The following FDFT1 variants were observed in gnomAD, a reference collection of about 807,000 sequenced individuals.
FDFT1 encodes squalene synthase.
Under a neutral mutation model 46.8 loss-of-function variants are expected in FDFT1, and 68 were observed. That is an observed-to-expected ratio of 1.45 (90% CI 1.19 to 1.78). FDFT1 has a LOEUF of 1.78. Ranked by LOEUF, FDFT1 falls within the 40% of genes most tolerant of loss-of-function variation. FDFT1 has a pLI of 0.00. For synonymous variants in FDFT1, 351 were observed against 185.1 expected (o/e 1.90, Z -7.28); for missense variants, 928 against 524.4 (o/e 1.77, Z -7.52).
intron 3 of FDFT1, among the ~76,000 whole-genome samples, chr8:11,820,621 C>G (rs1809098812): frequency 6.6e-6 from 1 of 152,208 alleles, no homozygotes; most frequent in African/African-American, 2.4e-5. Flanking sequence ...CCAGCTTGAT[C>G]TCAGACTGCT....
Position 11,803,248 on chromosome 8 carries a change from C to T in FDFT1, c.99+317C>T, listed in dbSNP as rs541344594. 1.9e-5 allele frequency: 26 copies of T among 1,372,060 alleles called. No homozygotes were observed. In the East Asian group the frequency reaches 8.4e-4, roughly 45 times the overall value. 85.0% of individuals were successfully genotyped at this position (1,372,060 alleles called of 1,614,324 possible). A position where few individuals can be genotyped will look rare whatever the true frequency, so the allele number is the denominator to read the frequency against. On this transcript the variant is annotated intron_variant, in intron 1 of 7. Transcript: ENST00000220584. ...CCGGTATTTTAACCCGAGGGTTACA[C>T]ATCTGAGGCAATGTGGGTGGGTTAC...
Position 11,831,680 on chromosome 8 carries a change from T to C in FDFT1, c.1032+10T>C, listed in dbSNP as rs1188697979. Reference sequence around the variant, plus strand: ...TCAGTATATGGAAGAGGTGGGTTTTTATTTAACTACTTGGATAATTTGTAG... The same window carrying C: ...TCAGTATATGGAAGAGGTGGGTTTTCATTTAACTACTTGGATAATTTGTAG... On this transcript the variant is annotated intron_variant, in intron 7 of 7. Coordinates refer to ENST00000220584, the MANE Select transcript of FDFT1 (RefSeq NM_004462.5). 1 of 1,606,410 alleles carries C rather than the reference T, an allele frequency of 6.2e-7. No individual in the cohort carries two copies. Among genetic ancestry groups the C allele is most frequent in the South Asian group, 1.1e-5 (1 of 90,832 alleles).
chr8:11,817,243 T>A (rs1459978382), intron 3 of FDFT1, among the ~76,000 whole-genome samples: 1 of 152,184 alleles, frequency 6.6e-6, no homozygotes, highest in Non-Finnish European at 1.5e-5. Flanking sequence ...TGGATAAGCT[T>A]TTTGATGTGC....
rs1160710440 is a variant in FDFT1, at chr8:11,831,582, A to G, written c.944A>G (p.Lys315Arg). 6.2e-7 allele frequency: 1 copy of G among 1,614,096 alleles called. No homozygotes were observed. The highest frequency in any genetic ancestry group is 8.5e-7 in the Non-Finnish European group (1 of 1,179,912). The part of the protein sequence containing the change: ...NNQQVFKGAV[K>R]IRKGQAVTLM... ...CAGCAGGTGTTCAAAGGGGCAGTGA[A>G]GATTCGGAAAGGGCAAGCAGTGACC... Residue 315 changes from lysine to arginine, a missense_variant, in exon 7 of 8, where the codon AAG (lysine) becomes AGG (arginine). Transcript: ENST00000220584.
At chr8:11,830,468 G>GGT in intron 6 of FDFT1, 48 bp downstream of exon 6, 1 of 1,382,808 alleles carries the variant, frequency 7.2e-7, no homozygotes, top group East Asian at 2.3e-5. Flanking sequence ...AAGGGAGTGG[G>GGT]GTAGGAGTAA....
At chr8:11,809,976 G>A (rs941913073) in intron 3 of FDFT1, 126 bp downstream of exon 3, 32 of 706,302 alleles carry the variant, frequency 4.5e-5, no homozygotes, top group East Asian at 3.4e-4. Context: ...TAATGTGAGG[G>A]TTAAAAACTC....
chr8:11,820,017 C>G (rs568615788), intron 3 of FDFT1, among the ~76,000 whole-genome samples: 2 of 152,268 alleles, frequency 1.3e-5, no homozygotes, highest in East Asian at 1.9e-4. Context: ...TGGTGACGTA[C>G]AGATGGGTTT....
chr8:11,799,944 A>T (rs1339557176), upstream of FDFT1, among the ~76,000 whole-genome samples: 85 of 43,410 alleles, frequency 2.0e-3, 1 homozygote, highest in East Asian at 0.025. Context: ...GACTCCATTT[A>T]AAAAAAAAAA....
chr8:11,807,327 T>A (rs1255176677), intron 1 of FDFT1, among the ~76,000 whole-genome samples: 1 of 31,146 alleles, frequency 3.2e-5, no homozygotes, highest in Non-Finnish European at 8.9e-5. Context: ...TTTAAAAAAT[T>A]TTTTAAAAAC....
chr8:11,823,270 TC>T (rs1809511186), intron 4 of FDFT1, among the ~76,000 whole-genome samples: 1 of 152,216 alleles, frequency 6.6e-6, no homozygotes, highest in Admixed American at 6.5e-5. Flanking sequence ...TTATTTTTTT[TC>T]TTCTACTTTG....
rs565023844 is a variant in FDFT1, at chr8:11,836,149, T to A, written c.1033-2239T>A. Among the ~76,000 whole-genome samples, 20 of 72,956 alleles carry A rather than the reference T, an allele frequency of 2.7e-4. No individual in the cohort carries two copies. In the East Asian group the frequency reaches 5.1e-3, roughly 18 times the overall value. The allele number at this position is 72,956 out of a possible 152,430, so 47.9% of individuals were successfully genotyped here. ...GCCTGGGTGACAGAGCGAGACACCA[T>A]CTTAAAAAAAAAAAAAAATCTACAA... is the stretch of plus-strand genomic sequence containing the variant. On this transcript the variant is annotated intron_variant, in intron 7 of 7. Coordinates refer to ENST00000220584, the MANE Select transcript of FDFT1 (RefSeq NM_004462.5).
upstream of FDFT1, among the ~76,000 whole-genome samples, chr8:11,800,355 C>G (rs1585834254): frequency 6.6e-6 from 1 of 150,904 alleles, no homozygotes; most frequent in Non-Finnish European, 1.5e-5. Context: ...GGTACACTCG[C>G]CAGCAGTTTT....
At chr8:11,809,430 A>G in intron 2 of FDFT1, 2 of 1,253,226 alleles carry the variant, frequency 1.6e-6, no homozygotes, top group Non-Finnish European at 2.0e-6. Flanking sequence ...CACTTCTGGG[A>G]GTAGTGGTGA....
rs1811968486 is a variant in FDFT1 at position 11,839,045 on chromosome 8, T to C, written c.*436T>C. On this transcript the variant is annotated 3_prime_UTR_variant, in exon 8 of 8. Transcript: ENST00000220584. The stretch of plus-strand genomic sequence containing the variant: ...TCCTATTTTTCTCATCATTTTGTTT[T>C]CTTTAATTGGGTTGAATGGAGTAGA... The C allele has an allele frequency of 1.1e-5, 2 of 175,098 alleles. No individual in the cohort carries two copies. The highest frequency in any genetic ancestry group is 4.8e-5 in the African/African-American group (2 of 41,610). 10.8% of individuals were successfully genotyped at this position (175,098 alleles called of 1,614,324 possible).
At chr8:11,817,032 G>C (rs530176813) in intron 3 of FDFT1, among the ~76,000 whole-genome samples, 34 of 152,152 alleles carry the variant, frequency 2.2e-4, no homozygotes, top group Non-Finnish European at 3.7e-4. Context: ...TTATTATTTT[G>C]AGATGCGTTC....
At chr8:11,828,072 T>A (rs954079692) in intron 5 of FDFT1, among the ~76,000 whole-genome samples, 1 of 151,848 alleles carries the variant, frequency 6.6e-6, no homozygotes, top group Non-Finnish European at 1.5e-5. Flanking sequence ...TGTGGTGGCA[T>A]ACGCTGGTAG....
At chr8:11,829,053 C>T (rs577701380) in intron 5 of FDFT1, among the ~76,000 whole-genome samples, 2 of 152,294 alleles carry the variant, frequency 1.3e-5, no homozygotes, top group East Asian at 1.9e-4. Flanking sequence ...TACAGCAGCT[C>T]GAACCTTGTG....
chr8:11,836,600 A>G (rs1811566883), intron 7 of FDFT1, among the ~76,000 whole-genome samples: 1 of 152,238 alleles, frequency 6.6e-6, no homozygotes, highest in African/African-American at 2.4e-5. Flanking sequence ...TTCCAAATAA[A>G]TGGCTGCATG....
At chr8:11,816,993 T>C (rs943463240) in intron 3 of FDFT1, among the ~76,000 whole-genome samples, 56 of 152,344 alleles carry the variant, frequency 3.7e-4, no homozygotes, top group African/African-American at 1.3e-3. Flanking sequence ...CAGTATGATA[T>C]TGGCTTTGGG....
Sources: gnomAD v4.1 joint callset for allele counts (sites outside exome capture counted in the v4.1 genomes callset) on GRCh38, gnomAD v4.1.1 for gene constraint, MANE v1.5 for transcripts, NCBI Gene and HGNC (gene_info 2026-07-23, HGNC 2026-07-21) for gene names.